Variants in FOXP2 observed in about 807,000 individuals in gnomAD.
The protein encoded by FOXP2 is forkhead box protein P2.
A neutral mutation model predicts 115.8 loss-of-function variants in FOXP2; 12 were observed. The ratio of observed to expected loss-of-function variants is 0.10; its 90% CI spans 0.07 to 0.17. The LOEUF (loss-of-function observed/expected upper bound fraction) is 0.17, where lower values mean the gene tolerates loss of function less well. Ranked by LOEUF, FOXP2 falls within the 10% of genes least tolerant of loss-of-function variation. The probability of loss-of-function intolerance (pLI) is 1.00; values close to 1 mark genes in which losing one functional copy is unlikely to be tolerated. For synonymous variants in FOXP2, 328 were observed against 297.7 expected (o/e 1.10, Z -1.05); for missense variants, 629 against 843.5 (o/e 0.75, Z 3.15).
intron 2 of FOXP2, among the ~76,000 whole-genome samples, chr7:114,311,032 C>A (rs1418629864): frequency 6.6e-6 from 1 of 152,126 alleles, no homozygotes; most frequent in African/African-American, 2.4e-5. Context: ...GTCCACTCGA[C>A]CAATTTCGGA....
chr7:114,689,734 G>T (rs764586335), intron 16 of FOXP2, 48 bp from the exon 17 acceptor site: 1 of 1,609,300 alleles, frequency 6.2e-7, no homozygotes, highest in Non-Finnish European at 8.5e-7. Context: ...GCCAAACTCT[G>T]TTTGTTGCTT....
Position 114,693,286 on chromosome 7 carries a change from T to A in FOXP2, c.*3360T>A, listed in dbSNP as rs1279459628. On this transcript the variant is annotated 3_prime_UTR_variant, in exon 17 of 17. Coordinates refer to ENST00000350908, the MANE Select transcript of FOXP2 (RefSeq NM_014491.4). ...AGCTGCTTAACTTCATAAGAATGCA[T>A]TTCTTTGTGATTAGGGAATCGAAGA... is the stretch of plus-strand genomic sequence containing the variant. 2.2e-6 allele frequency: 1 copy of A among 452,030 alleles called. No homozygotes were observed. The highest frequency in any genetic ancestry group is 2.4e-5 in the Admixed American group (1 of 42,360). The allele number at this position is 452,030 out of a possible 1,614,324, so 28.0% of individuals were successfully genotyped here.
rs535122496 is a variant in FOXP2, at chr7:114,137,454, T to C, written c.-246-25490T>C. On this transcript the variant is annotated intron_variant, in intron 1 of 19. Transcript: ENST00000635638. ...ATAATTTTAGATGAGTAGAGAGACA[T>C]ACTTTCAATAAACTTGTGTTCATGG... 2.0e-5 allele frequency among the ~76,000 whole-genome samples: 3 copies of C among 152,292 alleles called. No homozygotes were observed. The South Asian group carries it at 6.2e-4, about 32-fold the overall frequency.
In FOXP2 at chr7:114,414,922, G is replaced by A. The variant is rs1793267019; in HGVS notation, c.-449G>A. Reference sequence around the variant, plus strand: ...CACACACTCACACACTCACACACATGCACACACACACATACACACACACAA... The same window carrying A: ...CACACACTCACACACTCACACACATACACACACACACATACACACACACAA... On this transcript the variant is annotated 5_prime_UTR_variant, in exon 1 of 17. It removes an upstream start codon present in the reference 5' UTR. Coordinates refer to ENST00000350908, the MANE Select transcript of FOXP2 (RefSeq NM_014491.4). 8.5e-5 allele frequency: 32 copies of A among 378,290 alleles called. 1 individual carries two copies. The highest frequency in any genetic ancestry group is 9.6e-4 in the Middle Eastern group (1 of 1,042). The allele number at this position is 378,290 out of a possible 1,614,324, so 23.4% of individuals were successfully genotyped here. A position where few individuals can be genotyped will look rare whatever the true frequency, so the allele number is the denominator to read the frequency against.
At chr7:114,527,116 C>T (rs1334402603) in intron 2 of FOXP2, among the ~76,000 whole-genome samples, 1 of 150,180 alleles carries the variant, frequency 6.7e-6, no homozygotes, top group East Asian at 2.0e-4. Context: ...CAAGGTTTAT[C>T]CATGTTGTAG....
intron 2 of FOXP2, among the ~76,000 whole-genome samples, chr7:114,311,929 C>T (rs561073359): frequency 1.3e-5 from 2 of 152,226 alleles, no homozygotes; most frequent in East Asian, 3.9e-4. Flanking sequence ...TATTTCACAT[C>T]ATAGTTCTTA....
chr7:114,135,004 CTAT>C (rs1211639470), intron 1 of FOXP2, among the ~76,000 whole-genome samples: 1 of 152,134 alleles, frequency 6.6e-6, no homozygotes, highest in African/African-American at 2.4e-5. Context: ...ATAAATAAAG[CTAT>C]TATTAGTAGA....
intron 1 of FOXP2, among the ~76,000 whole-genome samples, chr7:114,228,806 G>GAAAAAAAAAAA: frequency 7.2e-6 from 1 of 139,328 alleles, no homozygotes; most frequent in Non-Finnish European, 1.6e-5. Flanking sequence ...AAAAATCAAT[G>GAAAAAAAAAAA]AAACACAAAG....
intron 2 of FOXP2, among the ~76,000 whole-genome samples, chr7:114,459,455 A>T (rs1313212599): frequency 1.3e-5 from 2 of 152,218 alleles, no homozygotes; most frequent in Admixed American, 6.5e-5. Context: ...GTATTTTCAG[A>T]CTTATGGTCC....
intron 2 of FOXP2, among the ~76,000 whole-genome samples, chr7:114,373,529 C>T (rs73432299): frequency 1.3e-5 from 2 of 152,188 alleles, no homozygotes; most frequent in Non-Finnish European, 2.9e-5. Flanking sequence ...AAAAATATAA[C>T]GTTGGCAGCC....
chr7:114,371,266 A>G (rs1427327406), intron 2 of FOXP2, among the ~76,000 whole-genome samples: 1 of 100,428 alleles, frequency 1.0e-5, no homozygotes, highest in Admixed American at 1.1e-4. Context: ...TTTTTTTTGT[A>G]GTAGCAATAA....
At chr7:114,410,203 C>T (rs970965402), upstream of FOXP2, among the ~76,000 whole-genome samples, 7 of 152,052 alleles carry the variant, frequency 4.6e-5, no homozygotes, top group African/African-American at 1.7e-4. Flanking sequence ...ACTCTATATT[C>T]TAGGCAGGGT....
At chr7:114,261,636 G>A (rs1051643115) in intron 1 of FOXP2, among the ~76,000 whole-genome samples, 2 of 152,052 alleles carry the variant, frequency 1.3e-5, no homozygotes, top group East Asian at 1.9e-4. Flanking sequence ...AAAATAAAAC[G>A]GTTATAGAAC....
intron 1 of FOXP2, among the ~76,000 whole-genome samples, chr7:114,230,975 T>TACACACACACAC (rs3086371): frequency 1.9e-4 from 28 of 147,134 alleles, no homozygotes; most frequent in African/African-American, 6.5e-4. Context: ...CCCTAAAGAT[T>TACACACACACAC]ACACACACAC....
At chr7:114,320,963 A>G (rs118164068) in intron 2 of FOXP2, among the ~76,000 whole-genome samples, 2,554 of 152,232 alleles carry the variant, frequency 0.017, 41 homozygotes, top group Non-Finnish European at 0.026. Context: ...ACTTTATTAA[A>G]TATAAAATTA....
At chr7:114,305,040 A>G (rs1400396981) in intron 2 of FOXP2, among the ~76,000 whole-genome samples, 1 of 152,160 alleles carries the variant, frequency 6.6e-6, no homozygotes, top group Admixed American at 6.5e-5. Context: ...TGTCATTTTT[A>G]TGATTAATAT....
chr7:114,574,299 A>G (rs12671286), intron 3 of FOXP2, among the ~76,000 whole-genome samples: 18,019 of 151,814 alleles, frequency 0.12, 2,475 homozygotes, highest in African/African-American at 0.33. Flanking sequence ...TAGATAAAAA[A>G]GCATTAATTT....
rs369665040 is a variant in FOXP2 at position 114,165,971 on chromosome 7, T to C, written c.-102+2883T>C. On this transcript the variant is annotated intron_variant, in intron 1 of 17. Transcript: ENST00000634411. ...AATGGACCCACACAAATATAGTCAA[T>C]TCATCTTTAACAAAGGAGCAAAGAC... Among the ~76,000 whole-genome samples, 30 of 152,232 alleles carry C rather than the reference T, an allele frequency of 2.0e-4. No individual in the cohort carries two copies. The East Asian group carries it at 2.9e-3, about 15-fold the overall frequency.
intron 3 of FOXP2, among the ~76,000 whole-genome samples, chr7:114,615,465 T>A (rs1477155888): frequency 2.0e-5 from 3 of 152,208 alleles, no homozygotes; most frequent in Admixed American, 6.5e-5. Flanking sequence ...GTCTCATGAT[T>A]ATCTTCAACT....
Sources: gnomAD v4.1 joint callset for allele counts (sites outside exome capture counted in the v4.1 genomes callset) on GRCh38, gnomAD v4.1.1 for gene constraint, MANE v1.5 for transcripts, NCBI Gene and HGNC (gene_info 2026-07-23, HGNC 2026-07-21) for gene names.